PTPRC: variants seen among roughly 807,000 people sequenced by gnomAD.
The protein encoded by PTPRC is receptor-type tyrosine-protein phosphatase C.
In PTPRC, 44 loss-of-function variants were observed where a neutral mutation model predicts 155.9. That is an observed-to-expected ratio of 0.28 (90% CI 0.22 to 0.36). The LOEUF (loss-of-function observed/expected upper bound fraction) is 0.36, where lower values mean the gene tolerates loss of function less well. Among genes scored for constraint, PTPRC ranks in the 10% least tolerant of loss-of-function variants. The pLI is 1.00. For missense variants in PTPRC, 1,401 were observed against 1,564.6 expected, an observed-to-expected ratio of 0.90 and a Z score of 1.76; for synonymous variants, 525 against 533.1, an observed-to-expected ratio of 0.98 and a Z score of 0.21.
intron 21 of PTPRC, 40 bp from the exon 22 acceptor site, chr1:198,734,288 G>C (rs2102490513): frequency 6.2e-7 from 1 of 1,609,422 alleles, no homozygotes. Flanking sequence ...GCACTTTTAA[G>C]AAAATTTTTC....
intron 12 of PTPRC, among the ~76,000 whole-genome samples, chr1:198,715,655 C>A (rs916691722): frequency 1.0e-4 from 15 of 150,312 alleles, no homozygotes; most frequent in Admixed American, 5.9e-4. Flanking sequence ...AAAAAAAAAA[C>A]AGAACAAATT....
intron 8 of PTPRC, among the ~76,000 whole-genome samples, chr1:198,705,853 T>C (rs1197527311): frequency 6.6e-6 from 1 of 152,176 alleles, no homozygotes; most frequent in Non-Finnish European, 1.5e-5. Flanking sequence ...CCTGCTCATA[T>C]TTTAAAACAC....
intron 15 of PTPRC, among the ~76,000 whole-genome samples, chr1:198,723,628 T>C (rs1050981600): frequency 6.6e-6 from 1 of 152,196 alleles, no homozygotes; most frequent in Non-Finnish European, 1.5e-5. Flanking sequence ...TTTATAGCAG[T>C]CATAGACTCA....
intron 2 of PTPRC, among the ~76,000 whole-genome samples, chr1:198,654,753 A>G (rs1663458737): frequency 6.6e-6 from 1 of 151,914 alleles, no homozygotes; most frequent in Non-Finnish European, 1.5e-5. Flanking sequence ...ATATGTAATA[A>G]TAGTAATAAA....
At position 198,702,506 on chromosome 1, in the gene PTPRC, A is replaced by T; in HGVS notation, c.559A>T (p.Thr187Ser). 6.2e-7 allele frequency: 1 copy of T among 1,614,150 alleles called. No homozygotes were observed. The highest frequency in any genetic ancestry group is 8.5e-7 in the Non-Finnish European group (1 of 1,180,022). ...TGCCTTACCTGCACGCACCTCCAAC[A>T]CCACCATCACAGCGAACACCTCAGG... ...SAALPARTSN[T>S]TITANTSDAY... Residue 187 changes from threonine (T) to serine (S), a missense_variant, in exon 6 of 33, where the codon ACC becomes TCC. By Grantham distance (58) the Thr-to-Ser change is moderately conservative. Around this residue, in one of 3 missense-constraint regions of PTPRC, gnomAD observed 867 missense variants for 970.4 expected, o/e 0.89. Transcript: ENST00000442510.
rs1654585405 is a variant in PTPRC at position 198,735,338 on chromosome 1, A to G, written c.2403+86A>G. 5.8e-6 allele frequency: 7 copies of G among 1,205,200 alleles called. No individual in the cohort carries two copies. The African/African-American group carries it at 6.2e-5, about 11-fold the overall frequency. The allele number at this position is 1,205,200 out of a possible 1,614,324, so 74.7% of individuals were successfully genotyped here. Reference sequence around the variant, plus strand: ...AATATTAAAAGTGAGAAAATAAAATATATCAGGAAAAATTATTTTTGATAA... The same window carrying G: ...AATATTAAAAGTGAGAAAATAAAATGTATCAGGAAAAATTATTTTTGATAA... On this transcript the variant is annotated intron_variant, in intron 23 of 32. Coordinates refer to ENST00000442510, the MANE Select transcript of PTPRC (RefSeq NM_002838.5).
intron 32 of PTPRC, 121 bp from the exon 33 acceptor site, chr1:198,755,785 G>T (rs973369023): frequency 9.2e-7 from 1 of 1,081,428 alleles, no homozygotes; most frequent in African/African-American, 1.6e-5. Flanking sequence ...ATATCAAAAA[G>T]TACTTTTCTG....
Position 198,734,330 on chromosome 1 carries a change from C to T in PTPRC, c.2182C>T (p.Pro728Ser), listed in dbSNP as rs1476365376. Residue 728 changes from proline (P) to serine (S), a missense_variant and splice_region_variant, in exon 22 of 33, where the codon CCC becomes TCC. Physicochemically the swap from Pro to Ser is moderately conservative, Grantham distance 74. This residue lies in a region of PTPRC where 867 missense variants were observed against 970.4 expected (regional missense o/e 0.89). Transcript: ENST00000442510. ...EPRKYIAAQG[P>S]RDETVDDFWR... ...GCTTTTATTTGTTTACCTCCTAGGTCCCAGGGATGAAACTGTTGATGATTT... is the reference window on the plus strand; with the variant it reads ...GCTTTTATTTGTTTACCTCCTAGGTTCCAGGGATGAAACTGTTGATGATTT... The T allele has an allele frequency of 2.5e-6, 4 of 1,610,996 alleles. No homozygotes were observed. Among genetic ancestry groups the T allele is most frequent in the Non-Finnish European group, 2.5e-6 (3 of 1,177,856 alleles).
intron 2 of PTPRC, among the ~76,000 whole-genome samples, chr1:198,674,067 T>C (rs932867911): frequency 2.6e-5 from 4 of 152,224 alleles, no homozygotes; most frequent in African/African-American, 7.2e-5. Flanking sequence ...AATTATCTTA[T>C]GTATTTTGAC....
intron 12 of PTPRC, among the ~76,000 whole-genome samples, chr1:198,715,644 GA>G (rs555130847): frequency 1.9e-3 from 271 of 145,610 alleles, no homozygotes; most frequent in African/African-American, 3.9e-3. Flanking sequence ...ATTTTTTTAA[GA>G]AAAAAAAAAC....
At chr1:198,711,726 C>G (rs1653320619) in intron 11 of PTPRC, among the ~76,000 whole-genome samples, 1 of 152,104 alleles carries the variant, frequency 6.6e-6, no homozygotes, top group African/African-American at 2.4e-5. Context: ...TTTTCAACAA[C>G]AGAAGTTTTT....
At chr1:198,685,060 T>G (rs144620348) in intron 2 of PTPRC, among the ~76,000 whole-genome samples, 1 of 152,128 alleles carries the variant, frequency 6.6e-6, no homozygotes, top group African/African-American at 2.4e-5. Flanking sequence ...TCCTTATATA[T>G]CAAATGAACT....
chr1:198,744,257 A>G, intron 26 of PTPRC, 54 bp downstream of exon 26: 6 of 1,508,488 alleles, frequency 4.0e-6, no homozygotes, highest in Non-Finnish European at 5.5e-6. Context: ...ATTCAGTGTC[A>G]TCTACTTTCT....
intron 2 of PTPRC, among the ~76,000 whole-genome samples, chr1:198,642,956 C>CT (rs1357253966): frequency 6.9e-6 from 1 of 145,652 alleles, no homozygotes; most frequent in Non-Finnish European, 1.5e-5. Context: ...TTCTTTCTTT[C>CT]TTTCTTTCTT....
In PTPRC at chr1:198,752,801, C is replaced by T; in HGVS notation, c.3509+29C>T. ...CGTGGGATTTGGTAGAATGTGCTCT[C>T]AAAATCATAATGCTTGACTTCTCGG... On this transcript the variant is annotated intron_variant, in intron 31 of 32. Coordinates refer to ENST00000442510, the MANE Select transcript of PTPRC (RefSeq NM_002838.5). 3.1e-6 allele frequency: 5 copies of T among 1,602,628 alleles called. No individual in the cohort carries two copies. The South Asian group carries it at 4.4e-5, about 14-fold the overall frequency.
chr1:198,747,335 G>GAA (rs1655179333), intron 26 of PTPRC, among the ~76,000 whole-genome samples: 1 of 151,740 alleles, frequency 6.6e-6, no homozygotes, highest in Admixed American at 6.6e-5. Context: ...TGGTTTGGTA[G>GAA]AAGTATTGAG....
intron 9 of PTPRC, among the ~76,000 whole-genome samples, chr1:198,707,198 C>T (rs573771962): frequency 4.7e-4 from 71 of 152,282 alleles, no homozygotes; most frequent in African/African-American, 1.6e-3. Context: ...TGTTTATGTG[C>T]ACTAAATATA....
At chr1:198,646,319 G>A (rs1372122253) in intron 2 of PTPRC, among the ~76,000 whole-genome samples, 1 of 151,652 alleles carries the variant, frequency 6.6e-6, no homozygotes, top group Non-Finnish European at 1.5e-5. Context: ...ACTGAATATA[G>A]CTTATGCTTG....
At chr1:198,653,869 G>T (rs1159732010) in intron 2 of PTPRC, among the ~76,000 whole-genome samples, 2 of 151,764 alleles carry the variant, frequency 1.3e-5, no homozygotes, top group African/African-American at 4.8e-5. Flanking sequence ...TTTATTTAAA[G>T]ATCTATTTTG....
Sources: allele counts gnomAD v4.1 joint callset (sites outside exome capture counted in the v4.1 genomes callset), GRCh38; gene constraint gnomAD v4.1.1; regional missense constraint gnomAD v4.1.1; transcripts MANE v1.5; gene names NCBI Gene and HGNC (gene_info 2026-07-23, HGNC 2026-07-21).